ATXN2: variants seen among roughly 807,000 people sequenced by gnomAD.
ATXN2 encodes the protein ataxin 2, also known as ataxin-2.
ATXN2 carries 37 observed loss-of-function variants against 138.6 expected under a neutral mutation model. The observed-to-expected ratio is 0.27, with a 90% CI of 0.21 to 0.35. The LOEUF (loss-of-function observed/expected upper bound fraction) is 0.35. Among genes scored for constraint, ATXN2 ranks in the 10% least tolerant of loss-of-function variants. The probability of loss-of-function intolerance (pLI) is 1.00; values close to 1 mark genes in which losing one functional copy is unlikely to be tolerated. For missense variants in ATXN2, 1,216 were observed against 1,480.3 expected (o/e 0.82, Z 2.93); for synonymous variants, 549 against 543.7 (o/e 1.01, Z -0.13).
chr12:111,484,022 G>A (rs1877460534), intron 18 of ATXN2, among the ~76,000 whole-genome samples: 2 of 151,912 alleles, frequency 1.3e-5, no homozygotes, highest in Admixed American at 6.6e-5. Flanking sequence ...TCCCGGTCAT[G>A]TGATCTGCCC....
intron 14 of ATXN2, among the ~76,000 whole-genome samples, chr12:111,508,753 G>GA (rs2135727549): frequency 6.6e-6 from 1 of 152,128 alleles, no homozygotes; most frequent in African/African-American, 2.4e-5. Context: ...GCCAACAAAT[G>GA]AAAACTTAGG....
At chr12:111,551,794 T>C (rs553891646) in intron 5 of ATXN2, among the ~76,000 whole-genome samples, 5 of 152,372 alleles carry the variant, frequency 3.3e-5, no homozygotes, top group South Asian at 2.1e-4. Flanking sequence ...AAAGTTCTAA[T>C]TGTTTTCCAA....
intron 21 of ATXN2, among the ~76,000 whole-genome samples, chr12:111,464,270 G>C (rs1875814714): frequency 6.7e-6 from 1 of 150,014 alleles, no homozygotes; most frequent in African/African-American, 2.5e-5. Flanking sequence ...GTGTGTGTGT[G>C]TGTGTGTGTG....
chr12:111,481,059 C>T (rs925100743), intron 18 of ATXN2, among the ~76,000 whole-genome samples: 9 of 152,198 alleles, frequency 5.9e-5, no homozygotes, highest in Non-Finnish European at 1.3e-4. Flanking sequence ...TCTAAAATCT[C>T]AGCACTTTGG....
At chr12:111,579,327 A>G (rs569346076) in intron 1 of ATXN2, among the ~76,000 whole-genome samples, 2 of 151,106 alleles carry the variant, frequency 1.3e-5, no homozygotes, top group East Asian at 3.9e-4. Flanking sequence ...CAATGGTGCA[A>G]TCTTGGCTCA....
chr12:111,577,775 A>G (rs1883756289), intron 1 of ATXN2, among the ~76,000 whole-genome samples: 1 of 152,092 alleles, frequency 6.6e-6, no homozygotes, highest in Non-Finnish European at 1.5e-5. Flanking sequence ...TGCAGAAAAG[A>G]GCATTGGTCA....
intron 2 of ATXN2, 82 bp from the exon 3 acceptor site, chr12:111,554,299 T>C (rs530501874): frequency 1.0e-6 from 1 of 961,624 alleles, no homozygotes; most frequent in Admixed American, 3.7e-5. Flanking sequence ...GGACCAGAAG[T>C]ATTTTAGACT....
rs1054685080 is a variant in ATXN2, at chr12:111,520,789, C to T, written c.788+93G>A. 100 of 691,640 alleles carry T rather than the reference C, an allele frequency of 1.4e-4. No homozygotes were observed. In the East Asian group the frequency reaches 3.1e-3, roughly 21 times the overall value. 42.8% of individuals were successfully genotyped at this position (691,640 alleles called of 1,614,324 possible). A position where few individuals can be genotyped will look rare whatever the true frequency, so the allele number is the denominator to read the frequency against. Reference sequence around the variant, plus strand: ...AAAATTATTTCATGTAATTGTTTAACTTAAAAACTAACAAACATTTATTCA... The same window carrying T: ...AAAATTATTTCATGTAATTGTTTAATTTAAAAACTAACAAACATTTATTCA... On this transcript the variant is annotated intron_variant, in intron 7 of 24. Coordinates refer to ENST00000673436, the MANE Select transcript of ATXN2 (RefSeq NM_001372574.1).
In ATXN2 at chr12:111,452,425, CTTGA is replaced by C. The variant is rs1397310833; in HGVS notation, c.*383_*386del. 6.9e-6 allele frequency: 1 copy of C among 144,838 alleles called. No homozygotes were observed. The highest frequency in any genetic ancestry group is 1.4e-5 in the Non-Finnish European group (1 of 71,314). 9.0% of individuals were successfully genotyped at this position (144,838 alleles called of 1,614,324 possible). On this transcript the variant is annotated 3_prime_UTR_variant, in exon 25 of 25. Coordinates refer to ENST00000673436, the MANE Select transcript of ATXN2 (RefSeq NM_001372574.1). ...AGTTTAGTAAAAGGGCGTTCCAAGT[CTTGA>C]TTTTTTTTTTTTTTTTTTTTTAGCA...
At position 111,552,384 on chromosome 12, in the gene ATXN2, C is replaced by G; in HGVS notation, c.467G>C (p.Ser156Thr). The G allele has an allele frequency of 6.2e-7, 1 of 1,613,844 alleles. No individual in the cohort carries two copies. The highest frequency in any genetic ancestry group is 8.5e-7 in the Non-Finnish European group (1 of 1,179,922). The change falls in exon 5 of 25, where the codon AGT (serine) becomes ACT (threonine). Residue 156 changes from serine to threonine, a missense_variant. Ser to Thr is a moderately conservative substitution (Grantham distance 58, BLOSUM62 1). Coordinates refer to ENST00000673436, the MANE Select transcript of ATXN2 (RefSeq NM_001372574.1). This position sits in a 1 kb window ranked among gnomAD's most constrained non-coding sequence, Gnocchi z 4.1. ...TATTTCTTCACGTTTCGGCCCCGAA[C>G]TGGATTCTGTACTTTTCTCATGTGC... is the stretch of plus-strand genomic sequence containing the variant. ...DAAHEKSTES[S>T]SGPKREEIME...
intron 14 of ATXN2, among the ~76,000 whole-genome samples, chr12:111,508,236 G>T (rs1008699271): frequency 6.6e-6 from 1 of 151,580 alleles, no homozygotes; most frequent in African/African-American, 2.4e-5. Context: ...TTCATATGCA[G>T]TATAAATATA....
rs867288002 is a variant in ATXN2 at position 111,524,304 on chromosome 12, C to T, written c.696+888G>A. ...CATTATTAAGCTGTTATGCCTTAAA[C>T]ATCAAACACAGATATGTTACAAATT... On this transcript the variant is annotated intron_variant, in intron 6 of 24. Transcript: ENST00000673436. Among the ~76,000 whole-genome samples the T allele has an allele frequency of 5.9e-5, 9 of 152,316 alleles. No homozygotes were observed. In the South Asian group the frequency reaches 8.3e-4, roughly 14 times the overall value.
intron 1 of ATXN2, among the ~76,000 whole-genome samples, chr12:111,558,302 C>G (rs1435503165): frequency 1.1e-4 from 16 of 152,098 alleles, no homozygotes; most frequent in Non-Finnish European, 1.0e-4. Context: ...ATTAGTATCT[C>G]AAACCAAATA....
chr12:111,538,165 C>T (rs1196191570), intron 5 of ATXN2, among the ~76,000 whole-genome samples: 6 of 151,126 alleles, frequency 4.0e-5, no homozygotes, highest in Admixed American at 1.3e-4. Flanking sequence ...TCTAGCACTA[C>T]GATAAAGTGA....
chr12:111,522,354 G>A (rs766642883), intron 6 of ATXN2, among the ~76,000 whole-genome samples: 1 of 150,444 alleles, frequency 6.6e-6, no homozygotes, highest in Non-Finnish European at 1.5e-5. Context: ...CTCATGCCTG[G>A]TATCCCAGCA....
chr12:111,488,889 A>G, intron 14 of ATXN2, 109 bp from the exon 15 acceptor site: 3 of 956,206 alleles, frequency 3.1e-6, no homozygotes, highest in Non-Finnish European at 4.5e-6. Context: ...AATGTTCTGA[A>G]TAAGGCTTTT....
intron 11 of ATXN2, 29 bp from the exon 12 acceptor site, chr12:111,510,611 C>T: frequency 1.3e-6 from 2 of 1,558,262 alleles, no homozygotes; most frequent in South Asian, 1.2e-5. Context: ...GTATTTATTA[C>T]ATTCTCAGTT....
At chr12:111,577,967 G>A (rs557070024) in intron 1 of ATXN2, among the ~76,000 whole-genome samples, 9 of 152,024 alleles carry the variant, frequency 5.9e-5, no homozygotes, top group Admixed American at 3.3e-4. Flanking sequence ...AGGCCACGGC[G>A]GGTGGATCAC....
intron 1 of ATXN2, among the ~76,000 whole-genome samples, chr12:111,580,536 C>T (rs991216296): frequency 6.7e-6 from 1 of 149,116 alleles, no homozygotes; most frequent in Admixed American, 6.8e-5. Flanking sequence ...AAGATGACAA[C>T]GGAACGGGAG....
Sources: gnomAD v4.1 joint callset for allele counts (sites outside exome capture counted in the v4.1 genomes callset) on GRCh38, gnomAD v4.1.1 for gene constraint, Gnocchi (gnomAD v3.1) non-coding constraint, MANE v1.5 for transcripts, NCBI Gene and HGNC (gene_info 2026-07-23, HGNC 2026-07-21) for gene names.